Variants in SRRD observed in about 807,000 individuals in gnomAD.
The protein encoded by SRRD is SRR1-like protein.
In SRRD, 28 loss-of-function variants were observed where a neutral mutation model predicts 30.7. The observed-to-expected ratio is 0.91, with a 90% CI of 0.68 to 1.25. The LOEUF is 1.25. Among genes scored for constraint, SRRD ranks in the 50% most tolerant of loss-of-function variants. SRRD has a pLI of 0.00. For missense variants in SRRD, 415 were observed against 417.3 expected, an observed-to-expected ratio of 0.99 and a Z score of 0.05; for synonymous variants, 161 against 159.6, an observed-to-expected ratio of 1.01 and a Z score of -0.07.
In SRRD at chr22:26,491,839, T is replaced by A; in HGVS notation, c.*167T>A. The stretch of plus-strand genomic sequence containing the variant: ...CCACATGAGGACTTGGTATAAAGAT[T>A]CCTGCCCTACGTGGCATTGTCCCAT... On this transcript the variant is annotated 3_prime_UTR_variant, in exon 7 of 7. Transcript: ENST00000215917. 1 of 920,026 alleles carries A rather than the reference T, an allele frequency of 1.1e-6. No individual in the cohort carries two copies. The highest frequency in any genetic ancestry group is 1.6e-6 in the Non-Finnish European group (1 of 623,824). 57.0% of individuals were successfully genotyped at this position (920,026 alleles called of 1,614,324 possible). A position where few individuals can be genotyped will look rare whatever the true frequency, so the allele number is the denominator to read the frequency against.
chr22:26,484,187 T>G, intron 1 of SRRD, 88 bp downstream of exon 1: 1 of 1,289,224 alleles, frequency 7.8e-7, no homozygotes, highest in Non-Finnish European at 1.1e-6. Flanking sequence ...GGAGATATAA[T>G]GCACACCCTT....
At chr22:26,485,141 C>T (rs552346312) in intron 1 of SRRD, among the ~76,000 whole-genome samples, 7 of 152,288 alleles carry the variant, frequency 4.6e-5, no homozygotes, top group African/African-American at 1.7e-4. Flanking sequence ...TTTTTCATAT[C>T]CCTTGACACT....
intron 4 of SRRD, among the ~76,000 whole-genome samples, chr22:26,489,079 G>A (rs562658639): frequency 6.6e-6 from 1 of 152,250 alleles, no homozygotes; most frequent in Admixed American, 6.5e-5. Flanking sequence ...ATTGTCTTGG[G>A]GATTAGAATC....
intron 5 of SRRD, among the ~76,000 whole-genome samples, chr22:26,490,559 C>CTTTTTTTTTTTTTTGTTTTTTT (rs1921031494): frequency 1.9e-5 from 1 of 51,834 alleles, no homozygotes; most frequent in Non-Finnish European, 3.4e-5. Flanking sequence ...GGAATATTTG[C>CTTTTTTTTTTTTTTGTTTTTTT]TTTTTTTTTT....
chr22:26,492,181 C>T lies in SRRD; in HGVS notation c.*509C>T, dbSNP rs761271278. 13 of 1,614,222 alleles carry T rather than the reference C, an allele frequency of 8.1e-6. 1 individual carries two copies. In the East Asian group the frequency reaches 2.9e-4, roughly 36 times the overall value. On this transcript the variant is annotated 3_prime_UTR_variant, in exon 7 of 7. Transcript: ENST00000215917. ...CGGGCATGAAGACAATGTTGTGCTC[C>T]TCAGCCTTGGTCTCAATGAGGTCCT...
In SRRD at chr22:26,490,114, A is replaced by G. The variant is rs1920996669; in HGVS notation, c.680A>G (p.Asn227Ser). Residue 227 changes from asparagine (N) to serine (S), a missense_variant, in exon 5 of 7, where the codon AAC (asparagine) becomes AGC (serine). Coordinates refer to ENST00000215917, the MANE Select transcript of SRRD (RefSeq NM_001013694.3). Reference sequence around the variant, plus strand: ...CTCCATTGTGGGACGGCCTTGTACAACAATCTTTTATGGAGTAACTGGTCA... The same window carrying G: ...CTCCATTGTGGGACGGCCTTGTACAGCAATCTTTTATGGAGTAACTGGTCA... The part of the protein sequence containing the change: ...YMLHCGTALY[N>S]NLLWSNWSVD... 6.2e-7 allele frequency: 1 copy of G among 1,614,136 alleles called. No homozygotes were observed.
intron 4 of SRRD, 88 bp downstream of exon 4, chr22:26,488,576 G>A: frequency 4.1e-6 from 4 of 986,774 alleles, no homozygotes; most frequent in Non-Finnish European, 6.5e-6. Context: ...AGCATTCTTT[G>A]CAGTGGCAGC....
intron 5 of SRRD, 92 bp from the exon 6 acceptor site, chr22:26,490,933 T>C (rs1332714074): frequency 5.1e-6 from 6 of 1,182,662 alleles, no homozygotes; most frequent in Non-Finnish European, 7.4e-6. Context: ...CATCTTGCCC[T>C]TCTATGTGTC....
intron 1 of SRRD, among the ~76,000 whole-genome samples, chr22:26,485,162 C>A (rs2091675700): frequency 6.6e-6 from 1 of 152,198 alleles, no homozygotes; most frequent in African/African-American, 2.4e-5. Flanking sequence ...GTCACGATCT[C>A]CTCAACTGCT....
chr22:26,493,344 G>A lies in SRRD; in HGVS notation c.*1672G>A, dbSNP rs573058460. ...CCTGGCCTAGGCTATTAAATAACAA[G>A]AATTAAAGACTCAGGAAATAGAAAT... is the stretch of plus-strand genomic sequence containing the variant. On this transcript the variant is annotated 3_prime_UTR_variant, in exon 7 of 7. Coordinates refer to ENST00000215917, the MANE Select transcript of SRRD (RefSeq NM_001013694.3). 2 of 152,272 alleles carry A rather than the reference G, an allele frequency of 1.3e-5. No individual in the cohort carries two copies. Among genetic ancestry groups the A allele is most frequent in the African/African-American group, 4.8e-5 (2 of 41,540 alleles). 9.4% of individuals were successfully genotyped at this position (152,272 alleles called of 1,614,324 possible).
In SRRD at chr22:26,493,984, CCA is replaced by C; in HGVS notation, c.*2313_*2314del. On this transcript the variant is annotated 3_prime_UTR_variant, in exon 7 of 7. Coordinates refer to ENST00000215917, the MANE Select transcript of SRRD (RefSeq NM_001013694.3). ...AGTGGGTGCCAGCTGACCATGTACC[CCA>C]GTCAGCAGGGTGAGAGTCTGTTGCT... 1 of 770,792 alleles carries C rather than the reference CCA, an allele frequency of 1.3e-6. No homozygotes were observed. 47.7% of individuals were successfully genotyped at this position (770,792 alleles called of 1,614,324 possible).
Position 26,488,036 on chromosome 22 carries a change from C to G in SRRD, c.258C>G (p.Ile86Met). 6.2e-7 allele frequency: 1 copy of G among 1,609,892 alleles called. No individual in the cohort carries two copies. Among genetic ancestry groups the G allele is most frequent in the Middle Eastern group, 1.7e-4 (1 of 6,038 alleles). Residue 86 changes from isoleucine (I) to methionine (M), a missense_variant, in exon 3 of 7, where the codon ATC becomes ATG. Ile to Met is a conservative substitution (Grantham distance 10). Transcript: ENST00000215917. ...GGGGGCCTGCTCTTTCAGAAACCAT[C>G]AATAGATGTCTCACAAAACATCTGG... ...SDFWSSALET[I>M]NRCLTKHLEQ...
In SRRD at chr22:26,494,141, A is replaced by G; in HGVS notation, c.*2469A>G. The stretch of plus-strand genomic sequence containing the variant: ...CCAAAATGGGAATCCTCACTTACCA[A>G]CGTTGGAGGACACCGCCCGGTTCAT... On this transcript the variant is annotated 3_prime_UTR_variant, in exon 7 of 7. Coordinates refer to ENST00000215917, the MANE Select transcript of SRRD (RefSeq NM_001013694.3). 1 of 1,613,564 alleles carries G rather than the reference A, an allele frequency of 6.2e-7. No individual in the cohort carries two copies. Among genetic ancestry groups the G allele is most frequent in the Middle Eastern group, 1.7e-4 (1 of 6,060 alleles).
chr22:26,486,784 T>C (rs1255054476), intron 2 of SRRD, among the ~76,000 whole-genome samples: 1 of 152,210 alleles, frequency 6.6e-6, no homozygotes, highest in Non-Finnish European at 1.5e-5. Flanking sequence ...TAGAATTAAA[T>C]GAAAGGCGGT....
Position 26,488,210 on chromosome 22 carries a change from C to T in SRRD, c.432C>T (p.Tyr144=), listed in dbSNP as rs748081893. 1.5e-5 allele frequency: 24 copies of T among 1,614,060 alleles called. No individual in the cohort carries two copies. The highest frequency in any genetic ancestry group is 3.3e-4 in the Middle Eastern group (2 of 6,084). ...TGTCHLKCVC[Y]GIGNFATCIV... is the part of the protein sequence containing the mutation. ...CCTGCCATTTGAAGTGTGTGTGTTA[C>T]GGCATTGGGAACTTTGCCACCTGCA... The change falls in exon 3 of 7, where the codon TAC becomes TAT. Residue 144 remains tyrosine (Y), a synonymous_variant. Coordinates refer to ENST00000215917, the MANE Select transcript of SRRD (RefSeq NM_001013694.3).
In SRRD at chr22:26,488,001, A is replaced by C. The variant is rs779372789; in HGVS notation, c.251-28A>C. On this transcript the variant is annotated intron_variant, in intron 2 of 6. Transcript: ENST00000215917. ...TTCACAGGGTCAGAACATGCCCTCT[A>C]ACTGCATTTGGGGGCCTGCTCTTTC... 2.5e-6 allele frequency: 4 copies of C among 1,587,094 alleles called. No individual in the cohort carries two copies. In the South Asian group the frequency reaches 4.6e-5, roughly 18 times the overall value.
rs753740257 is a variant in SRRD at position 26,494,121 on chromosome 22, A to G, written c.*2449A>G. On this transcript the variant is annotated 3_prime_UTR_variant, in exon 7 of 7. Transcript: ENST00000215917. ...GAAACTTGGGGCCAGGACATCCAAA[A>G]TGGGAATCCTCACTTACCAACGTTG... 12 of 1,610,822 alleles carry G rather than the reference A, an allele frequency of 7.4e-6. No individual in the cohort carries two copies. The highest frequency in any genetic ancestry group is 1.0e-5 in the Non-Finnish European group (12 of 1,177,358).
rs1429082523 is a variant in SRRD at position 26,483,878 on chromosome 22, A to G, written c.-13A>G. The G allele has an allele frequency of 7.4e-7, 1 of 1,343,174 alleles. No homozygotes were observed. The highest frequency in any genetic ancestry group is 9.5e-7 in the Non-Finnish European group (1 of 1,055,416). The allele number at this position is 1,343,174 out of a possible 1,614,324, so 83.2% of individuals were successfully genotyped here. ...GTGCCGAGTGCGCCGCACGCCGCTGACGTCAGAGACCAATGGCTGCGGCCG... is the reference window on the plus strand; with the variant it reads ...GTGCCGAGTGCGCCGCACGCCGCTGGCGTCAGAGACCAATGGCTGCGGCCG... On this transcript the variant is annotated 5_prime_UTR_variant, in exon 1 of 7. Coordinates refer to ENST00000215917, the MANE Select transcript of SRRD (RefSeq NM_001013694.3).
At position 26,494,383 on chromosome 22, in the gene SRRD, T is replaced by G. The variant is rs1211831177; in HGVS notation, c.*2711T>G. 1 of 1,554,330 alleles carries G rather than the reference T, an allele frequency of 6.4e-7. No individual in the cohort carries two copies. The highest frequency in any genetic ancestry group is 8.9e-7 in the Non-Finnish European group (1 of 1,128,224). On this transcript the variant is annotated 3_prime_UTR_variant, in exon 7 of 7. Coordinates refer to ENST00000215917, the MANE Select transcript of SRRD (RefSeq NM_001013694.3). ...TTTCTGAAGTGGCCATTTGTTTTGTTTTGATCCTGGTCCTACAGGCTAGTG... is the reference window on the plus strand; with the variant it reads ...TTTCTGAAGTGGCCATTTGTTTTGTGTTGATCCTGGTCCTACAGGCTAGTG...
Sources: gnomAD v4.1 joint callset for allele counts (sites outside exome capture counted in the v4.1 genomes callset) on GRCh38, gnomAD v4.1.1 for gene constraint, MANE v1.5 for transcripts, NCBI Gene and HGNC (gene_info 2026-07-23, HGNC 2026-07-21) for gene names.